MTMR2: variants seen among roughly 807,000 people sequenced by gnomAD.
MTMR2 encodes phosphatidylinositol-3,5-bisphosphate 3-phosphatase MTMR2.
A neutral mutation model predicts 86.9 loss-of-function variants in MTMR2; 55 were observed. The observed-to-expected ratio is 0.63, with a 90% CI of 0.51 to 0.79. The LOEUF (loss-of-function observed/expected upper bound fraction) is 0.79, where lower values mean the gene tolerates loss of function less well. Ranked by LOEUF, MTMR2 falls within the 30% of genes least tolerant of loss-of-function variation. The pLI is 0.00. For missense variants in MTMR2, 659 were observed against 772.3 expected, an observed-to-expected ratio of 0.85 and a Z score of 1.74; for synonymous variants, 241 against 266.8, an observed-to-expected ratio of 0.90 and a Z score of 0.94.
intron 7 of MTMR2, among the ~76,000 whole-genome samples, chr11:95,852,957 C>T (rs761423737): frequency 1.2e-4 from 18 of 151,814 alleles, no homozygotes; most frequent in Non-Finnish European, 2.2e-4. Flanking sequence ...ACTGCTTGAA[C>T]CCAGGAGGTG....
intron 1 of MTMR2, among the ~76,000 whole-genome samples, chr11:95,893,243 T>C (rs1171393569): frequency 6.6e-6 from 1 of 152,134 alleles, no homozygotes; most frequent in Non-Finnish European, 1.5e-5. Flanking sequence ...CATAACCTCA[T>C]ACACATTCCC....
In MTMR2 at chr11:95,915,234, C is replaced by T. The variant is rs1231634169; in HGVS notation, c.80+8641G>A. On this transcript the variant is annotated intron_variant, in intron 1 of 14. Coordinates refer to ENST00000346299, the MANE Select transcript of MTMR2 (RefSeq NM_016156.6). ...ATATTAAGGCTTGTAATCACCAGCCCATCATCAGCCAGTTATTTTCCCTTT... is the reference window on the plus strand; with the variant it reads ...ATATTAAGGCTTGTAATCACCAGCCTATCATCAGCCAGTTATTTTCCCTTT... Among the ~76,000 whole-genome samples the T allele has an allele frequency of 2.6e-5, 4 of 152,242 alleles. No individual in the cohort carries two copies. In the Middle Eastern group the frequency reaches 0.01, roughly 388 times the overall value.
At chr11:95,886,844 A>G (rs1482578267) in intron 2 of MTMR2, among the ~76,000 whole-genome samples, 1 of 152,196 alleles carries the variant, frequency 6.6e-6, no homozygotes, top group Non-Finnish European at 1.5e-5. Context: ...AGCAAACATT[A>G]GATACATACA....
chr11:95,848,425 AAGAC>A (rs1163182035), intron 9 of MTMR2, among the ~76,000 whole-genome samples: 2 of 152,188 alleles, frequency 1.3e-5, no homozygotes, highest in Non-Finnish European at 2.9e-5. Flanking sequence ...TTTAAATAAA[AAGAC>A]AGAACAAGGA....
At chr11:95,882,722 G>GT (rs1565371419) in intron 2 of MTMR2, among the ~76,000 whole-genome samples, 1 of 145,560 alleles carries the variant, frequency 6.9e-6, no homozygotes, top group South Asian at 2.2e-4. Flanking sequence ...ATTATTTTGT[G>GT]TTGTTTTTTT....
intron 1 of MTMR2, among the ~76,000 whole-genome samples, chr11:95,911,892 C>A (rs893720029): frequency 1.3e-5 from 2 of 152,142 alleles, no homozygotes; most frequent in African/African-American, 4.8e-5. Flanking sequence ...CTCCACCTTG[C>A]AAACCTGAAT....
At chr11:95,875,980 C>T (rs1242479315) in intron 2 of MTMR2, among the ~76,000 whole-genome samples, 1 of 152,142 alleles carries the variant, frequency 6.6e-6, no homozygotes, top group Non-Finnish European at 1.5e-5. Flanking sequence ...CAGAGAAGTA[C>T]CCGGCCATGT....
chr11:95,885,077 T>C (rs1433818268), intron 2 of MTMR2, among the ~76,000 whole-genome samples: 2 of 152,070 alleles, frequency 1.3e-5, no homozygotes, highest in Non-Finnish European at 2.9e-5. Context: ...TGGGGATACA[T>C]TGAAACAATT....
At chr11:95,869,716 G>A (rs1034562146) in intron 2 of MTMR2, among the ~76,000 whole-genome samples, 1 of 152,290 alleles carries the variant, frequency 6.6e-6, no homozygotes, top group East Asian at 1.9e-4. Context: ...CTACCTGAGA[G>A]AATAAAGGAG....
At chr11:95,915,815 C>G (rs986125135) in intron 1 of MTMR2, among the ~76,000 whole-genome samples, 1 of 152,084 alleles carries the variant, frequency 6.6e-6, no homozygotes, top group Non-Finnish European at 1.5e-5. Context: ...ACTACTTTAC[C>G]GTGCAATTCC....
intron 12 of MTMR2, among the ~76,000 whole-genome samples, chr11:95,840,400 T>C (rs1233864117): frequency 6.6e-6 from 1 of 152,064 alleles, no homozygotes; most frequent in Non-Finnish European, 1.5e-5. Flanking sequence ...AAAAAAGGAT[T>C]GTAGGGACTT....
chr11:95,877,331 CCTTTTTTTTTT>C lies in MTMR2; in HGVS notation c.186+10814_186+10824del, dbSNP rs1175830647. Reference sequence around the variant, plus strand: ...CATTCAAGATCAAGCACAGGGAAGCCCTTTTTTTTTTTTTTTTTTTTTTTTTTTTTTTATAT... The same window carrying C: ...CATTCAAGATCAAGCACAGGGAAGCCTTTTTTTTTTTTTTTTTTTTTATAT... On this transcript the variant is annotated intron_variant, in intron 2 of 14. Coordinates refer to ENST00000346299, the MANE Select transcript of MTMR2 (RefSeq NM_016156.6). 2.0e-3 allele frequency among the ~76,000 whole-genome samples: 191 copies of C among 94,716 alleles called. 6 individuals carry two copies. The highest frequency in any genetic ancestry group is 8.3e-3 in the African/African-American group (168 of 20,154). 62.1% of individuals were successfully genotyped at this position (94,716 alleles called of 152,430 possible). A position where few individuals can be genotyped will look rare whatever the true frequency, so the allele number is the denominator to read the frequency against.
In MTMR2 at chr11:95,840,860, C is replaced by T. The variant is rs774117330; in HGVS notation, c.1479+757G>A. On this transcript the variant is annotated intron_variant, in intron 12 of 14. Coordinates refer to ENST00000346299, the MANE Select transcript of MTMR2 (RefSeq NM_016156.6). ...TATGGCAATCTAAATAAAAACAATT[C>T]AGACTTCCAGTTGTTTTGGGGTCTA... is the stretch of plus-strand genomic sequence containing the variant. Among the ~76,000 whole-genome samples the T allele has an allele frequency of 1.3e-5, 2 of 152,140 alleles. 1 individual carries two copies. Among genetic ancestry groups the T allele is most frequent in the South Asian group, 4.1e-4 (2 of 4,830 alleles).
intron 13 of MTMR2, among the ~76,000 whole-genome samples, 183 bp downstream of exon 13, chr11:95,837,911 G>A (rs1049821184): frequency 6.6e-6 from 1 of 151,992 alleles, no homozygotes; most frequent in Admixed American, 6.6e-5. Flanking sequence ...TCAGCCTTGT[G>A]ACAAAGATAC....
In MTMR2 at chr11:95,924,035, C is replaced by G; in HGVS notation, c.-81G>C. 1 of 1,521,410 alleles carries G rather than the reference C, an allele frequency of 6.6e-7. No homozygotes were observed. 94.2% of individuals were successfully genotyped at this position (1,521,410 alleles called of 1,614,324 possible). On this transcript the variant is annotated 5_prime_UTR_variant, in exon 1 of 15. Transcript: ENST00000346299. The stretch of plus-strand genomic sequence containing the variant: ...GGGAGAAGCGGAGGGCGGAGTGCTA[C>G]GGACCGGGGCCGCAGTCAGGCCAGC...
intron 11 of MTMR2, 139 bp downstream of exon 11, chr11:95,844,814 T>A: frequency 1.2e-6 from 1 of 806,434 alleles, no homozygotes; most frequent in Non-Finnish European, 2.1e-6. Context: ...CTTAATGCTT[T>A]CCAAAACAAG....
Position 95,888,218 on chromosome 11 carries a change from C to T in MTMR2, c.124G>A (p.Ala42Thr). The change falls in exon 2 of 15, where the codon GCT becomes ACT. Residue 42 changes from alanine (A) to threonine (T), a missense_variant. By Grantham distance (58) the Ala-to-Thr change is moderately conservative (BLOSUM62 0). Transcript: ENST00000346299. ...HSENSVHTKS[A>T]SVVSSDSIST... is the part of the protein sequence containing the mutation. ...ATGGAATCTGATGATACAACAGAAG[C>T]TGATTTTGTATGCACTGAATTCTCT... 1.2e-6 allele frequency: 2 copies of T among 1,613,610 alleles called. No homozygotes were observed. Among genetic ancestry groups the T allele is most frequent in the Non-Finnish European group, 1.7e-6 (2 of 1,179,738 alleles).
At chr11:95,896,902 T>TAAAAA (rs777931000) in intron 1 of MTMR2, among the ~76,000 whole-genome samples, 1 of 129,880 alleles carries the variant, frequency 7.7e-6, no homozygotes. Context: ...TGACAATCTT[T>TAAAAA]AAAAAAAAAA....
In MTMR2 at chr11:95,857,557, T is replaced by A; in HGVS notation, c.649A>T (p.Arg217Trp). The change falls in exon 7 of 15, where the codon AGG (arginine) becomes TGG (tryptophan). Residue 217 changes from arginine to tryptophan, a missense_variant. By Grantham distance (101) the Arg-to-Trp change is moderately radical. Transcript: ENST00000346299. Reference sequence around the variant, plus strand: ...AAAGAGAAGAAAGTACATACCTGCCTTCTATACTCTAAAAGAGGGTCATAT... The same window carrying A: ...AAAGAGAAGAAAGTACATACCTGCCATCTATACTCTAAAAGAGGGTCATAT... The part of the protein sequence containing the change: ...KLYDPLLEYR[R>W]QGIPNESWRI... 1 of 1,605,502 alleles carries A rather than the reference T, an allele frequency of 6.2e-7. No homozygotes were observed. The highest frequency in any genetic ancestry group is 8.5e-7 in the Non-Finnish European group (1 of 1,172,414).
Sources: gnomAD v4.1 joint callset for allele counts (sites outside exome capture counted in the v4.1 genomes callset) on GRCh38, gnomAD v4.1.1 for gene constraint, MANE v1.5 for transcripts, NCBI Gene and HGNC (gene_info 2026-07-23, HGNC 2026-07-21) for gene names.